Variants in GPR39 observed in about 807,000 individuals in gnomAD.
GPR39 encodes zinc sensing receptor.
A neutral mutation model predicts 18.4 loss-of-function variants in GPR39; 23 were observed. The observed-to-expected ratio is 1.25, with a 90% CI of 0.90 to 1.77. The LOEUF is 1.77. Among genes scored for constraint, GPR39 ranks in the 40% most tolerant of loss-of-function variants. The probability of loss-of-function intolerance (pLI) is 0.00; values close to 1 mark genes in which losing one functional copy is unlikely to be tolerated. For missense variants in GPR39, 647 were observed against 602.4 expected (o/e 1.07, Z -0.78); for synonymous variants, 280 against 257.9 (o/e 1.09, Z -0.82).
At chr2:132,488,292 G>T (rs114875886) in intron 1 of GPR39, among the ~76,000 whole-genome samples, 2 of 152,004 alleles carry the variant, frequency 1.3e-5, no homozygotes, top group African/African-American at 2.4e-5. Flanking sequence ...CTTTAAAAGC[G>T]TATTGAGAAA....
intron 1 of GPR39, among the ~76,000 whole-genome samples, chr2:132,603,431 G>A (rs548370457): frequency 1.3e-5 from 2 of 152,220 alleles, no homozygotes; most frequent in East Asian, 3.9e-4. Flanking sequence ...CAGCTAGAGA[G>A]GAGGTATGAG....
chr2:132,423,844 G>T (rs1294119367), intron 1 of GPR39, among the ~76,000 whole-genome samples: 1 of 152,198 alleles, frequency 6.6e-6, no homozygotes, highest in East Asian at 1.9e-4. Context: ...CCTCATTCCA[G>T]CATAGTGTCT....
At chr2:132,455,028 A>G (rs989392240) in intron 1 of GPR39, among the ~76,000 whole-genome samples, 28 of 152,066 alleles carry the variant, frequency 1.8e-4, no homozygotes, top group Non-Finnish European at 7.4e-5. Context: ...CTCTTTTTCT[A>G]TTGATTGGAA....
chr2:132,543,617 T>TG (rs1037996091), intron 1 of GPR39, among the ~76,000 whole-genome samples: 1 of 152,190 alleles, frequency 6.6e-6, no homozygotes, highest in African/African-American at 2.4e-5. Context: ...ACCTATTTGT[T>TG]TAAGTGCGTG....
intron 1 of GPR39, among the ~76,000 whole-genome samples, chr2:132,592,906 T>C (rs1680871682): frequency 1.3e-5 from 2 of 152,144 alleles, no homozygotes; most frequent in Admixed American, 1.3e-4. Context: ...AGACAGCAGC[T>C]ATAAATTCAA....
chr2:132,468,930 G>A (rs1023626964), intron 1 of GPR39, among the ~76,000 whole-genome samples: 1 of 152,214 alleles, frequency 6.6e-6, no homozygotes, highest in Non-Finnish European at 1.5e-5. Context: ...GGAAGCTAAT[G>A]ATTTTTCCCC....
intron 1 of GPR39, among the ~76,000 whole-genome samples, chr2:132,498,517 T>C (rs1177731781): frequency 2.0e-5 from 3 of 152,212 alleles, no homozygotes; most frequent in Non-Finnish European, 4.4e-5. Flanking sequence ...CAATTGTGAA[T>C]TGTGCTGCTA....
intron 1 of GPR39, among the ~76,000 whole-genome samples, chr2:132,437,711 G>T (rs1003751634): frequency 7.7e-4 from 118 of 152,320 alleles, no homozygotes; most frequent in African/African-American, 2.6e-3. Context: ...CTCTGACTGG[G>T]AGGCTACAGA....
rs371810521 is a variant in GPR39 at position 132,565,849 on chromosome 2, T to C, written c.857-79252T>C. Among the ~76,000 whole-genome samples, 25 of 150,962 alleles carry C rather than the reference T, an allele frequency of 1.7e-4. No homozygotes were observed. The East Asian group carries it at 3.3e-3, about 20-fold the overall frequency. On this transcript the variant is annotated intron_variant, in intron 1 of 1. Coordinates refer to ENST00000329321, the MANE Select transcript of GPR39 (RefSeq NM_001508.3). Reference sequence around the variant, plus strand: ...AAGTCTTTGCTATTGTGAATAATGCTGCAATAAACATACATGTGCATGTGT... The same window carrying C: ...AAGTCTTTGCTATTGTGAATAATGCCGCAATAAACATACATGTGCATGTGT...
At chr2:132,580,392 C>G (rs1037674871) in intron 1 of GPR39, among the ~76,000 whole-genome samples, 3 of 152,144 alleles carry the variant, frequency 2.0e-5, no homozygotes, top group African/African-American at 7.2e-5. Context: ...GTCACAGGGA[C>G]ATTAGCAGGA....
intron 1 of GPR39, among the ~76,000 whole-genome samples, chr2:132,639,964 GAATC>G (rs36094760): frequency 0.48 from 73,142 of 151,496 alleles, 19,799 homozygotes; most frequent in African/African-American, 0.75. Flanking sequence ...ATCGAGGGTA[GAATC>G]AATCCAGTGT....
At chr2:132,631,315 G>C (rs570706623) in intron 1 of GPR39, among the ~76,000 whole-genome samples, 2 of 152,192 alleles carry the variant, frequency 1.3e-5, no homozygotes, top group African/African-American at 4.8e-5. Flanking sequence ...TCACAAATTT[G>C]CAAGACTATT....
At chr2:132,510,824 AGAT>A (rs1206686023) in intron 1 of GPR39, among the ~76,000 whole-genome samples, 1 of 152,244 alleles carries the variant, frequency 6.6e-6, no homozygotes, top group Non-Finnish European at 1.5e-5. Context: ...ACATGCCTCA[AGAT>A]GATCTTTACC....
At chr2:132,421,915 C>T (rs2104753126) in intron 1 of GPR39, among the ~76,000 whole-genome samples, 1 of 152,172 alleles carries the variant, frequency 6.6e-6, no homozygotes, top group Non-Finnish European at 1.5e-5. Context: ...CTGAAAAGAA[C>T]TCATAAAGTT....
intron 1 of GPR39, among the ~76,000 whole-genome samples, chr2:132,600,927 C>A (rs1681032406): frequency 6.6e-6 from 1 of 151,994 alleles, no homozygotes; most frequent in African/African-American, 2.4e-5. Context: ...AGTAATTTTT[C>A]TTCTCTCACC....
chr2:132,475,188 C>T (rs1215725723), intron 1 of GPR39, among the ~76,000 whole-genome samples: 2 of 151,958 alleles, frequency 1.3e-5, no homozygotes, highest in African/African-American at 4.8e-5. Flanking sequence ...AATCACCATC[C>T]CCATCTGTCC....
In GPR39 at chr2:132,645,570, T is replaced by A. The variant is rs1682021565; in HGVS notation, c.1326T>A (p.Ser442=). ...ACTCAGGCGCGAAACCAGCCAATTC[T>A]GCTGCAGAGAATGGTTTTCAGGAGC... ...EPNSGAKPAN[S]AAENGFQEHE... The change falls in exon 2 of 2, where the codon TCT becomes TCA. Residue 442 remains serine (S), a synonymous_variant. Coordinates refer to ENST00000329321, the MANE Select transcript of GPR39 (RefSeq NM_001508.3). 6.2e-7 allele frequency: 1 copy of A among 1,613,916 alleles called. No individual in the cohort carries two copies. The highest frequency in any genetic ancestry group is 1.3e-5 in the African/African-American group (1 of 74,920).
At position 132,634,106 on chromosome 2, in the gene GPR39, T is replaced by C. The variant is rs1426393918; in HGVS notation, c.857-10995T>C. Among the ~76,000 whole-genome samples, 5 of 143,910 alleles carry C rather than the reference T, an allele frequency of 3.5e-5. No individual in the cohort carries two copies. The East Asian group carries it at 9.7e-4, about 28-fold the overall frequency. The allele number at this position is 143,910 out of a possible 152,430, so 94.4% of individuals were successfully genotyped here. On this transcript the variant is annotated intron_variant, in intron 1 of 1. Transcript: ENST00000329321. ...TGGTGTTCGTGGTGATGGAGGGTGATGATGATGGTGGCCATAGTAGGAGCA... is the reference window on the plus strand; with the variant it reads ...TGGTGTTCGTGGTGATGGAGGGTGACGATGATGGTGGCCATAGTAGGAGCA...
intron 1 of GPR39, among the ~76,000 whole-genome samples, chr2:132,463,921 T>G (rs2104778685): frequency 1.3e-5 from 2 of 152,302 alleles, no homozygotes; most frequent in South Asian, 4.1e-4. Context: ...TTTTGATGTC[T>G]TCATCCTCTA....
Sources: gnomAD v4.1 joint callset for allele counts (sites outside exome capture counted in the v4.1 genomes callset) on GRCh38, gnomAD v4.1.1 for gene constraint, MANE v1.5 for transcripts, NCBI Gene and HGNC (gene_info 2026-07-23, HGNC 2026-07-21) for gene names.